Variants in GRK7 observed in about 807,000 individuals in gnomAD.
GRK7 encodes G protein-coupled receptor kinase 7.
GRK7 carries 24 observed loss-of-function variants against 34.1 expected under a neutral mutation model. That is an observed-to-expected ratio of 0.70 (90% CI 0.51 to 0.99). The LOEUF (loss-of-function observed/expected upper bound fraction) is 0.99. GRK7 is among the 50% of genes least tolerant of loss of function. The pLI, the probability that GRK7 is intolerant of heterozygous loss-of-function variation, is 0.00. For synonymous variants in GRK7, 256 were observed against 279.4 expected, an observed-to-expected ratio of 0.92 and a Z score of 0.84; for missense variants, 644 against 707.3, an observed-to-expected ratio of 0.91 and a Z score of 1.02.
At chr3:141,793,268 TGGCATTCAAAGCCTAGA>T (rs1191248791) in intron 4 of GRK7, among the ~76,000 whole-genome samples, 84 of 152,348 alleles carry the variant, frequency 5.5e-4, no homozygotes, top group Middle Eastern at 3.4e-3. Context: ...GACTTGCCAC[TGGCATTCAAAGCCTAGA>T]GGCAGCCTTG....
intron 1 of GRK7, among the ~76,000 whole-genome samples, chr3:141,773,513 ATTG>A (rs1305225767): frequency 6.6e-6 from 1 of 152,024 alleles, no homozygotes; most frequent in Non-Finnish European, 1.5e-5. Flanking sequence ...ATTATTATTT[ATTG>A]TTATTATTTT....
chr3:141,812,784 C>T (rs1178459557), intron 5 of GRK7, among the ~76,000 whole-genome samples: 1 of 152,110 alleles, frequency 6.6e-6, no homozygotes, highest in Non-Finnish European at 1.5e-5. Flanking sequence ...GGCAAGTCTC[C>T]CGAGTTACCA....
chr3:141,808,778 G>A (rs1577927125), intron 5 of GRK7, among the ~76,000 whole-genome samples: 1 of 152,118 alleles, frequency 6.6e-6, no homozygotes, highest in Admixed American at 6.6e-5. Context: ...GAAATGGGAA[G>A]TTGTCTAATG....
chr3:141,795,778 TAA>T lies in GRK7; in HGVS notation c.1051-11856_1051-11855del, dbSNP rs111715389. On this transcript the variant is annotated intron_variant, in intron 4 of 5. Coordinates refer to ENST00000682958, the MANE Select transcript of GRK7 (RefSeq NM_139209.3). ...AACAAAGCGAGACTCTGCTCTATGT[TAA>T]AAAAAAAAAATAGCCTTGGAATTAC... Among the ~76,000 whole-genome samples the T allele has an allele frequency of 1.2e-4, 18 of 144,992 alleles. 1 individual carries two copies. Among genetic ancestry groups the T allele is most frequent in the African/African-American group, 4.0e-4 (16 of 39,676 alleles).
In GRK7 at chr3:141,807,634, G is replaced by A. The variant is rs778364461; in HGVS notation, c.1051-11G>A. ...TCTGTGTTGTCTTGTTTTTTGTTTGGGATGTTACAGGCTGGAACCAATGGT... is the reference window on the plus strand; with the variant it reads ...TCTGTGTTGTCTTGTTTTTTGTTTGAGATGTTACAGGCTGGAACCAATGGT... On this transcript the variant is annotated splice_polypyrimidine_tract_variant and intron_variant, in intron 4 of 5. Coordinates refer to ENST00000682958, the MANE Select transcript of GRK7 (RefSeq NM_139209.3). The A allele has an allele frequency of 1.1e-5, 18 of 1,609,562 alleles. No homozygotes were observed. The Admixed American group carries it at 1.2e-4, about 11-fold the overall frequency.
chr3:141,776,608 G>A lies in GRK7; in HGVS notation c.-113-1564G>A, dbSNP rs1424549965. The stretch of plus-strand genomic sequence containing the variant: ...CAGAGGTGATCGTTTCCAGCGCAGC[G>A]GTGCAAAGCCAAAGGGCACCCACGA... On this transcript the variant is annotated intron_variant, in intron 2 of 5. Coordinates refer to ENST00000682958, the MANE Select transcript of GRK7 (RefSeq NM_139209.3). Among the ~76,000 whole-genome samples, 14 of 152,164 alleles carry A rather than the reference G, an allele frequency of 9.2e-5. 1 individual carries two copies. Among genetic ancestry groups the A allele is most frequent in the Non-Finnish European group, 1.5e-5 (1 of 68,036 alleles).
chr3:141,812,891 G>A lies in GRK7; in HGVS notation c.1326-3823G>A, dbSNP rs1261280742. 2.6e-5 allele frequency among the ~76,000 whole-genome samples: 4 copies of A among 152,176 alleles called. No homozygotes were observed. In the South Asian group the frequency reaches 6.2e-4, roughly 24 times the overall value. ...GACACAGTGTGTTCAATTCATGCCC[G>A]CCAGTGATCATGGAAGTGATGCAAG... On this transcript the variant is annotated intron_variant, in intron 5 of 5. Coordinates refer to ENST00000682958, the MANE Select transcript of GRK7 (RefSeq NM_139209.3).
chr3:141,793,730 G>T (rs922122276), intron 4 of GRK7, among the ~76,000 whole-genome samples: 1 of 152,234 alleles, frequency 6.6e-6, no homozygotes, highest in Non-Finnish European at 1.5e-5. Flanking sequence ...CCAGGGAGGG[G>T]TGCAGCTGTG....
intron 5 of GRK7, among the ~76,000 whole-genome samples, chr3:141,815,234 TG>T (rs879822371): frequency 0.14 from 2,824 of 20,672 alleles, 25 homozygotes; most frequent in Middle Eastern, 0.21. Context: ...TGGTTTTTTT[TG>T]TTTGTTTGTT....
intron 2 of GRK7, among the ~76,000 whole-genome samples, chr3:141,775,791 GTT>G (rs72187047): frequency 3.4e-5 from 5 of 147,822 alleles, no homozygotes; most frequent in East Asian, 2.0e-4. Flanking sequence ...AATTTCGCCT[GTT>G]TTTTTTTTAT....
chr3:141,796,382 A>G (rs1260390164), intron 4 of GRK7, among the ~76,000 whole-genome samples: 1 of 152,234 alleles, frequency 6.6e-6, no homozygotes, highest in East Asian at 1.9e-4. Context: ...ATAAATGCCT[A>G]GCCGAGGGTC....
At chr3:141,786,317 C>T (rs2084696006) in intron 4 of GRK7, among the ~76,000 whole-genome samples, 2 of 152,126 alleles carry the variant, frequency 1.3e-5, no homozygotes, top group African/African-American at 4.8e-5. Flanking sequence ...ATGATTGTGA[C>T]AATGGTATGG....
intron 1 of GRK7, among the ~76,000 whole-genome samples, chr3:141,768,364 G>A (rs767134266): frequency 4.0e-5 from 6 of 148,578 alleles, no homozygotes; most frequent in African/African-American, 1.0e-4. Flanking sequence ...CTCAGCCTCC[G>A]CCTCCCGGGT....
chr3:141,767,310 T>C (rs1260148743), intron 1 of GRK7, among the ~76,000 whole-genome samples: 1 of 152,218 alleles, frequency 6.6e-6, no homozygotes, highest in Non-Finnish European at 1.5e-5. Flanking sequence ...TCATTATCAA[T>C]TGGAACAGAG....
chr3:141,774,182 C>T (rs752795959), intron 1 of GRK7, among the ~76,000 whole-genome samples: 1 of 152,136 alleles, frequency 6.6e-6, no homozygotes, highest in Non-Finnish European at 1.5e-5. Context: ...CCTGTAATCT[C>T]AGCACTTTCA....
intron 3 of GRK7, 127 bp downstream of exon 3, chr3:141,779,023 A>G: frequency 1.1e-6 from 1 of 919,886 alleles, no homozygotes; most frequent in South Asian, 1.7e-5. Flanking sequence ...GAGGATTTCT[A>G]GCCCCGTCTC....
Position 141,818,853 on chromosome 3 carries a change from A to G in GRK7, c.*1803A>G, listed in dbSNP as rs889695601. Among the ~76,000 whole-genome samples the G allele has an allele frequency of 6.6e-6, 1 of 152,212 alleles. No homozygotes were observed. The highest frequency in any genetic ancestry group is 1.5e-5 in the Non-Finnish European group (1 of 68,040). On this transcript the variant is annotated 3_prime_UTR_variant, in exon 6 of 6. Coordinates refer to ENST00000682958, the MANE Select transcript of GRK7 (RefSeq NM_139209.3). ...CTGAATAACAGTAATACTCATCTAC[A>G]AGACAGCATTAACCACACCTGGAAC...
At chr3:141,801,808 A>G (rs9859089) in intron 4 of GRK7, among the ~76,000 whole-genome samples, 120,747 of 152,066 alleles carry the variant, frequency 0.79, 48,788 homozygotes, top group African/African-American at 0.95. Flanking sequence ...CCATGTGTGG[A>G]TAATTGTTGA....
intron 4 of GRK7, among the ~76,000 whole-genome samples, chr3:141,782,997 A>C (rs1432680790): frequency 6.6e-6 from 1 of 152,248 alleles, no homozygotes. Flanking sequence ...TTAGTTCAGC[A>C]GCTGCAGAAT....
Sources: allele counts gnomAD v4.1 joint callset (sites outside exome capture counted in the v4.1 genomes callset), GRCh38; gene constraint gnomAD v4.1.1; transcripts MANE v1.5; gene names NCBI Gene and HGNC (gene_info 2026-07-23, HGNC 2026-07-21).